Variants in FNDC3A observed in about 807,000 individuals in gnomAD.
The protein encoded by FNDC3A is fibronectin type-III domain-containing protein 3A.
A neutral mutation model predicts 148.9 loss-of-function variants in FNDC3A; 32 were observed. The observed-to-expected ratio is 0.21, with a 90% CI of 0.16 to 0.29. The LOEUF (loss-of-function observed/expected upper bound fraction) is 0.29. Among genes scored for constraint, FNDC3A ranks in the 10% least tolerant of loss-of-function variants. The probability of loss-of-function intolerance (pLI) is 1.00; values close to 1 mark genes in which losing one functional copy is unlikely to be tolerated. For missense variants in FNDC3A, 1,191 were observed against 1,452.8 expected (o/e 0.82, Z 2.93); for synonymous variants, 472 against 473.6 (o/e 1.00, Z 0.04).
At chr13:49,126,716 A>G (rs1412607191) in intron 4 of FNDC3A, among the ~76,000 whole-genome samples, 1 of 152,202 alleles carries the variant, frequency 6.6e-6, no homozygotes, top group African/African-American at 2.4e-5. Context: ...CAAGTTATTT[A>G]ACATCTCTAT....
intron 2 of FNDC3A, among the ~76,000 whole-genome samples, chr13:49,019,883 G>A (rs371325018): frequency 6.6e-6 from 1 of 152,078 alleles, no homozygotes; most frequent in African/African-American, 2.4e-5. Flanking sequence ...GGTTAAATTT[G>A]TGTTTGTTTA....
chr13:49,136,537 A>T lies in FNDC3A; in HGVS notation c.696A>T (p.Thr232=). ...IKGQIAGGIN[T]GSAKIKSGKG... ...GACAAATTGCTGGTGGTATAAACAC[A>T]GGATCAGCAAAAATCAAGTCTGGGA... is the stretch of plus-strand genomic sequence containing the variant. Residue 232 remains threonine, a synonymous_variant, in exon 6 of 26, where the codon ACA becomes ACT. Transcript: ENST00000492622. 1 of 1,614,132 alleles carries T rather than the reference A, an allele frequency of 6.2e-7. No individual in the cohort carries two copies. Among genetic ancestry groups the T allele is most frequent in the Non-Finnish European group, 8.5e-7 (1 of 1,179,966 alleles).
intron 1 of FNDC3A, among the ~76,000 whole-genome samples, chr13:49,004,626 T>G (rs1171231898): frequency 6.6e-6 from 1 of 151,964 alleles, no homozygotes; most frequent in African/African-American, 2.4e-5. Flanking sequence ...GAAACCAAAC[T>G]GTGGTTGTAT....
At chr13:49,186,340 A>G (rs542135159) in intron 15 of FNDC3A, among the ~76,000 whole-genome samples, 13 of 152,352 alleles carry the variant, frequency 8.5e-5, no homozygotes, top group Non-Finnish European at 1.6e-4. Flanking sequence ...GAGCAGGGGT[A>G]GCACTGTGAA....
At chr13:48,995,528 GTCT>G (rs771964751) in intron 1 of FNDC3A, among the ~76,000 whole-genome samples, 29 of 152,040 alleles carry the variant, frequency 1.9e-4, no homozygotes, top group Non-Finnish European at 4.0e-4. Flanking sequence ...TAATAGCACT[GTCT>G]TCTTACCATC....
intron 1 of FNDC3A, among the ~76,000 whole-genome samples, chr13:48,993,056 A>C (rs1951950719): frequency 6.6e-6 from 1 of 152,202 alleles, no homozygotes; most frequent in Non-Finnish European, 1.5e-5. Flanking sequence ...AAAGGCAATT[A>C]AAAATTCTTC....
chr13:48,977,420 T>C (rs1025578532), intron 1 of FNDC3A, among the ~76,000 whole-genome samples: 1 of 152,248 alleles, frequency 6.6e-6, no homozygotes, highest in Admixed American at 6.5e-5. Flanking sequence ...AGCCATATGT[T>C]AGGCAGAAAC....
chr13:49,138,778 ACTT>A lies in FNDC3A; in HGVS notation c.796_798del (p.Leu266del). 6.6e-7 allele frequency: 1 copy of A among 1,510,682 alleles called. No homozygotes were observed. The highest frequency in any genetic ancestry group is 2.3e-5 in the East Asian group (1 of 43,948). The allele number at this position is 1,510,682 out of a possible 1,614,324, so 93.6% of individuals were successfully genotyped here. ...ATGAAGAAACTAAAGCATTTGAAGCACTTCTTTCCAACATTGTCAAACCAGTGG... is the reference window on the plus strand; with the variant it reads ...ATGAAGAAACTAAAGCATTTGAAGCACTTTCCAACATTGTCAAACCAGTGG... On this transcript the variant is annotated inframe_deletion, in exon 7 of 26. Coordinates refer to ENST00000492622, the MANE Select transcript of FNDC3A (RefSeq NM_001079673.2).
chr13:49,095,280 T>TC (rs1879451495), intron 3 of FNDC3A: 1 of 152,002 alleles, frequency 6.6e-6, no homozygotes, highest in South Asian at 2.1e-4. Context: ...ATCATTGTAG[T>TC]CCATCAGTTT....
At chr13:49,066,857 A>G (rs989475213) in intron 2 of FNDC3A, among the ~76,000 whole-genome samples, 99 of 152,170 alleles carry the variant, frequency 6.5e-4, no homozygotes, top group African/African-American at 2.3e-3. Flanking sequence ...CTCAAAGCTT[A>G]TATTCTTAAT....
intron 2 of FNDC3A, among the ~76,000 whole-genome samples, chr13:49,029,933 C>T (rs1042634619): frequency 2.6e-5 from 4 of 152,042 alleles, no homozygotes; most frequent in South Asian, 2.1e-4. Flanking sequence ...TCTGAATACA[C>T]GTATAACAAG....
chr13:48,984,394 T>C (rs1205636026), intron 1 of FNDC3A, among the ~76,000 whole-genome samples: 1 of 152,136 alleles, frequency 6.6e-6, no homozygotes, highest in Non-Finnish European at 1.5e-5. Context: ...AGAAGTATAA[T>C]AAATGGGACC....
chr13:49,021,328 T>G (rs1873310289), intron 2 of FNDC3A, among the ~76,000 whole-genome samples: 1 of 152,206 alleles, frequency 6.6e-6, no homozygotes, highest in Non-Finnish European at 1.5e-5. Flanking sequence ...CAACTGCCAC[T>G]GATTGTTTTA....
At chr13:49,191,772 TA>T (rs1885900655) in intron 19 of FNDC3A, among the ~76,000 whole-genome samples, 1 of 152,176 alleles carries the variant, frequency 6.6e-6, no homozygotes, top group Non-Finnish European at 1.5e-5. Context: ...GAGGCTAAAG[TA>T]GCATTTACTT....
At chr13:49,129,871 A>T (rs1881925137) in intron 4 of FNDC3A, among the ~76,000 whole-genome samples, 1 of 152,198 alleles carries the variant, frequency 6.6e-6, no homozygotes, top group African/African-American at 2.4e-5. Flanking sequence ...TGTGTTTTCT[A>T]GTATACCTAT....
Position 49,022,833 on chromosome 13 carries a change from G to A in FNDC3A, c.99+16544G>A, listed in dbSNP as rs74398600. Among the ~76,000 whole-genome samples, 158 of 152,104 alleles carry A rather than the reference G, an allele frequency of 1.0e-3. 1 individual carries two copies. Among genetic ancestry groups the A allele is most frequent in the African/African-American group, 3.5e-3 (147 of 41,528 alleles). The stretch of plus-strand genomic sequence containing the variant: ...ACGTCTGCACCATGCCACTTTCTGT[G>A]ACATTTCCTTAGAAAATCAAATATT... On this transcript the variant is annotated intron_variant, in intron 2 of 25. Coordinates refer to ENST00000492622, the MANE Select transcript of FNDC3A (RefSeq NM_001079673.2).
At chr13:49,152,543 G>T (rs1405360352) in intron 8 of FNDC3A, among the ~76,000 whole-genome samples, 1 of 151,848 alleles carries the variant, frequency 6.6e-6, no homozygotes, top group Admixed American at 6.6e-5. Context: ...TAAGTTTTAG[G>T]GTGTATGTGC....
At chr13:49,127,643 A>G (rs1048125960) in intron 4 of FNDC3A, among the ~76,000 whole-genome samples, 1 of 152,082 alleles carries the variant, frequency 6.6e-6, no homozygotes, top group African/African-American at 2.4e-5. Flanking sequence ...TCCCTTCCCA[A>G]TCTTTCCAGA....
chr13:49,032,907 C>T (rs2137668097), intron 2 of FNDC3A, among the ~76,000 whole-genome samples: 1 of 151,956 alleles, frequency 6.6e-6, no homozygotes, highest in East Asian at 1.9e-4. Flanking sequence ...ATTTTTAAAG[C>T]CTATTTGCAT....
Sources: allele counts gnomAD v4.1 joint callset (sites outside exome capture counted in the v4.1 genomes callset), GRCh38; gene constraint gnomAD v4.1.1; transcripts MANE v1.5; gene names NCBI Gene and HGNC (gene_info 2026-07-23, HGNC 2026-07-21).